Variants in PLEKHN1 observed in about 807,000 individuals in gnomAD.
The protein encoded by PLEKHN1 is pleckstrin homology domain containing N1.
Under a neutral mutation model 72.8 loss-of-function variants are expected in PLEKHN1, and 68 were observed. The ratio of observed to expected loss-of-function variants is 0.93; its 90% CI spans 0.77 to 1.14. The LOEUF (loss-of-function observed/expected upper bound fraction) is 1.14, where lower values mean the gene tolerates loss of function less well. Ranked by LOEUF, PLEKHN1 falls within the 50% of genes most tolerant of loss-of-function variation. The probability of loss-of-function intolerance (pLI) is 0.00; values close to 1 mark genes in which losing one functional copy is unlikely to be tolerated. For missense variants in PLEKHN1, 1,015 were observed against 840.5 expected, an observed-to-expected ratio of 1.21 and a Z score of -2.57; for synonymous variants, 454 against 371.6, an observed-to-expected ratio of 1.22 and a Z score of -2.55.
At chr1:969,615 CAT>C (rs1168632449) in intron 2 of PLEKHN1, among the ~76,000 whole-genome samples, 89 of 149,774 alleles carry the variant, frequency 5.9e-4, no homozygotes, top group African/African-American at 2.0e-3. Flanking sequence ...CACGTGTGTG[CAT>C]ATCTGTGTAT....
chr1:971,881 C>T (rs150798101), intron 8 of PLEKHN1, among the ~76,000 whole-genome samples, 194 bp from the exon 9 acceptor site: 32 of 152,346 alleles, frequency 2.1e-4, no homozygotes, highest in Admixed American at 5.2e-4. Context: ...CCCTAGCCGG[C>T]GAAGGCCCCC....
intron 7 of PLEKHN1, 21 bp from the exon 8 acceptor site, chr1:971,303 A>ACG: frequency 4.7e-6 from 7 of 1,495,350 alleles, no homozygotes; most frequent in Non-Finnish European, 6.4e-6. Flanking sequence ...TCATCGCCTG[A>ACG]CCCCACCCCC....
chr1:968,043 C>T (rs545943907), intron 2 of PLEKHN1, among the ~76,000 whole-genome samples: 5 of 152,348 alleles, frequency 3.3e-5, no homozygotes, highest in African/African-American at 4.8e-5. Context: ...GGCTCTACTA[C>T]GGCTCCAAGC....
rs201445899 is a variant in PLEKHN1, at chr1:970,578, G to T, written c.388G>T (p.Gly130Cys). The change falls in exon 4 of 16, where the codon GGC becomes TGC. Residue 130 changes from glycine to cysteine, a missense_variant. By Grantham distance (159) the Gly-to-Cys change is radical (BLOSUM62 -3). Transcript: ENST00000379410. The surrounding 1 kb of genome is among the most constrained non-coding windows in gnomAD (Gnocchi z 4.2). ...FPAHLYFQAH[G>C]SEGLTFQGLL... is the part of the protein sequence containing the mutation. ...CGCCCACCTGTACTTCCAGGCCCAC[G>T]GCTCGGAAGGACTCACATTTCAGGT... 49 of 1,612,848 alleles carry T rather than the reference G, an allele frequency of 3.0e-5. No individual in the cohort carries two copies. The African/African-American group carries it at 5.9e-4, about 19-fold the overall frequency.
At chr1:972,499 C>G in intron 10 of PLEKHN1, 75 bp downstream of exon 10, 1 of 1,441,348 alleles carries the variant, frequency 6.9e-7, no homozygotes, top group Non-Finnish European at 9.2e-7. Context: ...GGCGTGGTGG[C>G]GCACGCCTGT....
intron 8 of PLEKHN1, among the ~76,000 whole-genome samples, chr1:971,717 T>C (rs1224960559): frequency 3.9e-5 from 6 of 152,160 alleles, no homozygotes; most frequent in Non-Finnish European, 8.8e-5. Context: ...TGCGTGTGCG[T>C]GTGTCCTCCA....
chr1:972,823 G>C (rs1299212903), intron 10 of PLEKHN1, 38 bp from the exon 11 acceptor site: 6 of 1,508,810 alleles, frequency 4.0e-6, no homozygotes, highest in Non-Finnish European at 5.3e-6. Context: ...TGGGGAGGGG[G>C]TCCAGCCCTC....
chr1:968,535 G>C (rs982748083), intron 2 of PLEKHN1, among the ~76,000 whole-genome samples: 8 of 152,200 alleles, frequency 5.3e-5, no homozygotes, highest in African/African-American at 1.9e-4. Flanking sequence ...CCCTGTCTTA[G>C]GCTCTGGGGA....
In PLEKHN1 at chr1:970,649, T is replaced by A. The variant is rs1276579744; in HGVS notation, c.412-37T>A. 6.2e-7 allele frequency: 1 copy of A among 1,602,604 alleles called. No individual in the cohort carries two copies. The highest frequency in any genetic ancestry group is 1.7e-5 in the Admixed American group (1 of 59,514). On this transcript the variant is annotated intron_variant, in intron 4 of 15. Coordinates refer to ENST00000379410, the MANE Select transcript of PLEKHN1 (RefSeq NM_032129.3). This position sits in a 1 kb window ranked among gnomAD's most constrained non-coding sequence, Gnocchi z 4.2. The stretch of plus-strand genomic sequence containing the variant: ...GGGGCCATGGCCGCCCTTCCCTCCA[T>A]GGATCCCTGAAGCTCCTCCTACCCT...
intron 8 of PLEKHN1, 97 bp from the exon 9 acceptor site, chr1:971,977 AC>A: frequency 8.3e-7 from 1 of 1,207,886 alleles, no homozygotes; most frequent in Non-Finnish European, 1.2e-6. Flanking sequence ...CTCTCCAAGT[AC>A]CCAGCCAAGC....
chr1:973,113 C>T, intron 11 of PLEKHN1, 73 bp from the exon 12 acceptor site: 4 of 1,499,590 alleles, frequency 2.7e-6, no homozygotes, highest in Non-Finnish European at 3.6e-6. Flanking sequence ...TGGAGGGAGC[C>T]CCTTGCAGCC....
intron 6 of PLEKHN1, 24 bp downstream of exon 6, chr1:971,030 C>A (rs1419997382): frequency 1.0e-6 from 1 of 1,002,788 alleles, no homozygotes; most frequent in Non-Finnish European, 1.6e-6. Context: ...ACCCCACCCC[C>A]CTCCCCACCC....
rs1307582314 is a variant in PLEKHN1, at chr1:966,569, G to T, written c.38G>T (p.Arg13Met). 4.3e-6 allele frequency: 7 copies of T among 1,610,918 alleles called. No homozygotes were observed. The highest frequency in any genetic ancestry group is 1.3e-5 in the African/African-American group (1 of 75,020). Residue 13 changes from arginine (R) to methionine (M), a missense_variant, in exon 1 of 16, where the codon AGG becomes ATG. By Grantham distance (91) the Arg-to-Met change is moderately conservative. Transcript: ENST00000379410. Reference sequence around the variant, plus strand: ...CACTGTGTCCCTCAGGCCCCCAGGAGGCTCCGGGCCTCCTTCTCCAGAAAG... The same window carrying T: ...CACTGTGTCCCTCAGGCCCCCAGGATGCTCCGGGCCTCCTTCTCCAGAAAG... ...NSHCVPQAPR[R>M]LRASFSRKPS...
rs78958031 is a variant in PLEKHN1, at chr1:974,557, G to A, written c.1818G>A (p.Gly606=). The change falls in exon 16 of 16, where the codon GGG becomes GGA. Residue 606 remains glycine (G), a synonymous_variant. Coordinates refer to ENST00000379410, the MANE Select transcript of PLEKHN1 (RefSeq NM_032129.3). ...TTGGAGGGCCTGAGGCCAGTGGGGG[G>A]CTTGTGCAGTGGATCTGATGGCCGC... ...PQLGGPEASG[G]LVQWI The A allele has an allele frequency of 1.2e-6, 2 of 1,611,796 alleles. No individual in the cohort carries two copies. The highest frequency in any genetic ancestry group is 2.2e-5 in the East Asian group (1 of 44,866).
intron 8 of PLEKHN1, chr1:971,622 C>T: frequency 1.6e-6 from 1 of 606,170 alleles, no homozygotes; most frequent in South Asian, 2.0e-5. Flanking sequence ...TTGACCGTCA[C>T]CCTGGGGCGG....
Position 970,626 on chromosome 1 carries a change from G to A in PLEKHN1, c.411+25G>A, listed in dbSNP as rs1403152337. The A allele has an allele frequency of 1.9e-6, 3 of 1,608,040 alleles. No individual in the cohort carries two copies. Among genetic ancestry groups the A allele is most frequent in the Admixed American group, 3.3e-5 (2 of 59,718 alleles). On this transcript the variant is annotated intron_variant, in intron 4 of 15. Transcript: ENST00000379410. This position sits in a 1 kb window ranked among gnomAD's most constrained non-coding sequence, Gnocchi z 4.2. ...GGTGAGGCGGTGGGCAATGGGGTGG[G>A]GCCATGGCCGCCCTTCCCTCCATGG... is the stretch of plus-strand genomic sequence containing the variant.
At chr1:974,098 CG>C (rs1341421799) in intron 14 of PLEKHN1, 47 bp downstream of exon 14, 1 of 1,533,508 alleles carries the variant, frequency 6.5e-7, no homozygotes. Flanking sequence ...CCGGGCTGGC[CG>C]GGGGTCTGGT....
chr1:969,341 A>T (rs561871676), intron 2 of PLEKHN1, among the ~76,000 whole-genome samples: 31 of 151,856 alleles, frequency 2.0e-4, no homozygotes, highest in African/African-American at 6.5e-4. Context: ...GTGTGTGTGC[A>T]CAAGTGTGTA....
intron 2 of PLEKHN1, 71 bp downstream of exon 2, chr1:966,874 G>C: frequency 6.8e-7 from 1 of 1,465,232 alleles, no homozygotes; most frequent in Non-Finnish European, 9.1e-7. Context: ...CCGTGTGTCC[G>C]TGCAGCTCAG....
Sources: allele counts gnomAD v4.1 joint callset (sites outside exome capture counted in the v4.1 genomes callset), GRCh38; gene constraint gnomAD v4.1.1; non-coding constraint Gnocchi (gnomAD v3.1); transcripts MANE v1.5; gene names NCBI Gene and HGNC (gene_info 2026-07-23, HGNC 2026-07-21).